The following SLC41A2 variants were observed in gnomAD, a reference collection of about 807,000 sequenced individuals.
The protein encoded by SLC41A2 is solute carrier family 41 member 2.
Under a neutral mutation model 58.3 loss-of-function variants are expected in SLC41A2, and 32 were observed. The ratio of observed to expected loss-of-function variants is 0.55; its 90% CI spans 0.41 to 0.74. The LOEUF (loss-of-function observed/expected upper bound fraction) is 0.74. Among genes scored for constraint, SLC41A2 ranks in the 30% least tolerant of loss-of-function variants. The pLI is 0.00. For synonymous variants in SLC41A2, 190 were observed against 235.0 expected, an observed-to-expected ratio of 0.81 and a Z score of 1.75; for missense variants, 514 against 680.6, an observed-to-expected ratio of 0.76 and a Z score of 2.72.
intron 10 of SLC41A2, among the ~76,000 whole-genome samples, chr12:104,840,477 G>A (rs1250242050): frequency 4.6e-5 from 7 of 152,132 alleles, no homozygotes; most frequent in Non-Finnish European, 4.4e-5. Context: ...AAGGTATAAC[G>A]GATCAAGATG....
At chr12:104,841,614 A>G (rs187533669) in intron 10 of SLC41A2, among the ~76,000 whole-genome samples, 26 of 152,278 alleles carry the variant, frequency 1.7e-4, no homozygotes, top group African/African-American at 4.6e-4. Flanking sequence ...ATAGAGAATA[A>G]GGCAATTCAG....
At chr12:104,840,999 G>A (rs1185964049) in intron 10 of SLC41A2, among the ~76,000 whole-genome samples, 1 of 151,944 alleles carries the variant, frequency 6.6e-6, no homozygotes, top group African/African-American at 2.4e-5. Context: ...AAATCTGAAA[G>A]TTTTATTTTA....
intron 8 of SLC41A2, among the ~76,000 whole-genome samples, chr12:104,853,911 A>ATTATTATTATT: frequency 2.7e-4 from 16 of 59,490 alleles, no homozygotes; most frequent in Non-Finnish European, 4.4e-4. Flanking sequence ...TGCCTGGCTG[A>ATTATTATTATT]TTTTTTTTTT....
intron 1 of SLC41A2, among the ~76,000 whole-genome samples, chr12:104,954,509 C>CG (rs1203871863): frequency 6.6e-6 from 1 of 152,136 alleles, no homozygotes; most frequent in Non-Finnish European, 1.5e-5. Context: ...AAAACCCCAG[C>CG]GGGCAGAGAA....
chr12:104,899,668 A>G (rs1015283534), intron 3 of SLC41A2, among the ~76,000 whole-genome samples: 9 of 152,134 alleles, frequency 5.9e-5, no homozygotes, highest in Non-Finnish European at 1.2e-4. Flanking sequence ...CTCTCTGTGC[A>G]ATTCTCTTGC....
chr12:104,834,425 A>G (rs111518192), intron 10 of SLC41A2, among the ~76,000 whole-genome samples: 12 of 152,156 alleles, frequency 7.9e-5, no homozygotes, highest in African/African-American at 2.9e-4. Flanking sequence ...CCCTCCCTTC[A>G]TATCTCCTTT....
At chr12:104,894,126 T>C (rs2045160853) in intron 4 of SLC41A2, among the ~76,000 whole-genome samples, 1 of 151,862 alleles carries the variant, frequency 6.6e-6, no homozygotes, top group Admixed American at 6.6e-5. Context: ...CTACTACGTA[T>C]CCACAAAAAT....
intron 8 of SLC41A2, chr12:104,851,691 C>T (rs2042806100): frequency 6.6e-6 from 1 of 152,082 alleles, no homozygotes; most frequent in Non-Finnish European, 1.5e-5. Context: ...TTGGCTAGCA[C>T]CCATATTTTA....
chr12:104,952,853 A>T lies in SLC41A2; in HGVS notation c.-168+5235T>A, dbSNP rs192523093. ...TTTTTGCTCAAAACACTTCTGCTCA[A>T]CCTCACTCTTCCCTTTTACCTAGCT... On this transcript the variant is annotated intron_variant, in intron 1 of 10. Transcript: ENST00000258538. Among the ~76,000 whole-genome samples, 280 of 152,208 alleles carry T rather than the reference A, an allele frequency of 1.8e-3. 1 individual carries two copies. Among genetic ancestry groups the T allele is most frequent in the African/African-American group, 6.3e-3 (261 of 41,546 alleles).
chr12:104,818,572 A>G (rs1305603953), intron 10 of SLC41A2, among the ~76,000 whole-genome samples: 1 of 152,142 alleles, frequency 6.6e-6, no homozygotes, highest in Admixed American at 6.5e-5. Context: ...GGAGATCCAG[A>G]AGGAAAGAAA....
intron 1 of SLC41A2, among the ~76,000 whole-genome samples, chr12:104,948,676 T>A (rs771589621): frequency 6.6e-6 from 1 of 152,194 alleles, no homozygotes; most frequent in African/African-American, 2.4e-5. Flanking sequence ...CCTGTAGACA[T>A]TTCTCTGTGT....
At chr12:104,906,270 T>C (rs1341603800) in intron 3 of SLC41A2, among the ~76,000 whole-genome samples, 2 of 152,166 alleles carry the variant, frequency 1.3e-5, no homozygotes, top group African/African-American at 4.8e-5. Context: ...ATGCTCCAGA[T>C]ACCTGAGACC....
At chr12:104,830,183 A>T (rs2041991935) in intron 10 of SLC41A2, among the ~76,000 whole-genome samples, 1 of 152,202 alleles carries the variant, frequency 6.6e-6, no homozygotes, top group Admixed American at 6.5e-5. Context: ...CTAAGCTCAA[A>T]TCTTATTTAT....
intron 8 of SLC41A2, among the ~76,000 whole-genome samples, chr12:104,851,463 A>G (rs1282721519): frequency 6.6e-6 from 1 of 151,958 alleles, no homozygotes; most frequent in Admixed American, 6.6e-5. Context: ...GGCTCACTGC[A>G]ACGTCGAACT....
chr12:104,907,840 TATA>T (rs2135770404), intron 3 of SLC41A2, among the ~76,000 whole-genome samples: 1 of 152,326 alleles, frequency 6.6e-6, no homozygotes, highest in South Asian at 2.1e-4. Flanking sequence ...GGACCTGGCA[TATA>T]ATAAGAGCTC....
chr12:104,939,215 T>C (rs1210352537), intron 1 of SLC41A2, among the ~76,000 whole-genome samples: 1 of 152,074 alleles, frequency 6.6e-6, no homozygotes. Context: ...CTTACAAAAA[T>C]AAAAAAGGGT....
intron 10 of SLC41A2, among the ~76,000 whole-genome samples, chr12:104,813,955 T>C (rs2041284378): frequency 6.6e-6 from 1 of 152,090 alleles, no homozygotes; most frequent in Non-Finnish European, 1.5e-5. Context: ...TGTTAAAAAA[T>C]TGAAATAGAA....
At chr12:104,806,663 T>C (rs2040918022) in intron 10 of SLC41A2, among the ~76,000 whole-genome samples, 1 of 151,912 alleles carries the variant, frequency 6.6e-6, no homozygotes, top group Non-Finnish European at 1.5e-5. Flanking sequence ...ATGGTTGAAC[T>C]AGTTTACAGT....
intron 2 of SLC41A2, among the ~76,000 whole-genome samples, chr12:104,919,683 A>AT (rs1218752731): frequency 6.6e-6 from 1 of 151,282 alleles, no homozygotes; most frequent in East Asian, 1.9e-4. Flanking sequence ...CAATTTTCTA[A>AT]TTTTTTTTTA....
Sources: gnomAD v4.1 joint callset for allele counts (sites outside exome capture counted in the v4.1 genomes callset) on GRCh38, gnomAD v4.1.1 for gene constraint, MANE v1.5 for transcripts, NCBI Gene and HGNC (gene_info 2026-07-23, HGNC 2026-07-21) for gene names.